The following DPH6 variants were observed in gnomAD, a reference collection of about 807,000 sequenced individuals.
DPH6 encodes the protein diphthamine biosynthesis 6.
DPH6 carries 33 observed loss-of-function variants against 38.2 expected under a neutral mutation model. The ratio of observed to expected loss-of-function variants is 0.86; its 90% CI spans 0.65 to 1.15. DPH6 has a LOEUF of 1.15. Among genes scored for constraint, DPH6 ranks in the 50% most tolerant of loss-of-function variants. DPH6 has a pLI of 0.00. For missense variants in DPH6, 325 were observed against 320.0 expected, an observed-to-expected ratio of 1.02 and a Z score of -0.12; for synonymous variants, 108 against 103.0, an observed-to-expected ratio of 1.05 and a Z score of -0.30.
At chr15:35,300,448 G>GTT (rs1261581067) in intron 3 of DPH6, among the ~76,000 whole-genome samples, 2 of 152,196 alleles carry the variant, frequency 1.3e-5, no homozygotes, top group Admixed American at 1.3e-4. Context: ...GGTTATGATT[G>GTT]TAAGAACGGA....
At position 35,543,061 on chromosome 15, in the gene DPH6, C is replaced by G. The variant is rs904204826; in HGVS notation, c.24-554G>C. 2.9e-5 allele frequency among the ~76,000 whole-genome samples: 4 copies of G among 139,232 alleles called. No individual in the cohort carries two copies. In the Admixed American group the frequency reaches 2.9e-4, roughly 10 times the overall value. The allele number at this position is 139,232 out of a possible 152,430, so 91.3% of individuals were successfully genotyped here. A position where few individuals can be genotyped will look rare whatever the true frequency, so the allele number is the denominator to read the frequency against. ...TTCTGCTCCACCATAAGAAATCTAACAAATGGCTACCATCAGCAATTAAAG... is the reference window on the plus strand; with the variant it reads ...TTCTGCTCCACCATAAGAAATCTAAGAAATGGCTACCATCAGCAATTAAAG... On this transcript the variant is annotated intron_variant, in intron 1 of 8. Transcript: ENST00000256538.
At chr15:35,193,899 G>A in the DPH6 span, among the ~76,000 whole-genome samples, 1 of 152,158 alleles carries the variant, frequency 6.6e-6, no homozygotes, top group South Asian at 2.1e-4. Flanking sequence ...CACCAAGGGG[G>A]AAAAGGAAAC....
intron 3 of DPH6, among the ~76,000 whole-genome samples, chr15:35,277,078 T>C (rs1158157643): frequency 6.6e-6 from 1 of 152,236 alleles, no homozygotes; most frequent in Non-Finnish European, 1.5e-5. Context: ...CGTGTTTCTA[T>C]TTGTTTGTGT....
At chr15:35,521,025 A>C (rs1232500624) in intron 3 of DPH6, 2 of 985,086 alleles carry the variant, frequency 2.0e-6, no homozygotes, top group African/African-American at 3.5e-5. Flanking sequence ...AAAGGAGGGG[A>C]AGGGGCTTTA....
chr15:35,304,413 C>T (rs563552482), intron 3 of DPH6, among the ~76,000 whole-genome samples: 1 of 152,174 alleles, frequency 6.6e-6, no homozygotes, highest in African/African-American at 2.4e-5. Flanking sequence ...ACAGGTGAAA[C>T]ATTTAAGAAC....
chr15:35,215,015 C>G (rs1197808944), downstream of DPH6, among the ~76,000 whole-genome samples: 1 of 152,186 alleles, frequency 6.6e-6, no homozygotes, highest in Non-Finnish European at 1.5e-5. Context: ...TTAGGCCAGC[C>G]CTCTGCTCCA....
intron 3 of DPH6, among the ~76,000 whole-genome samples, chr15:35,251,920 C>T (rs1316786655): frequency 6.6e-6 from 1 of 152,172 alleles, no homozygotes; most frequent in African/African-American, 2.4e-5. Flanking sequence ...AGGTTTATCA[C>T]CTGAGGTCAG....
intron 3 of DPH6, chr15:35,298,863 GT>G (rs113334015): frequency 5.9e-6 from 6 of 1,008,728 alleles, no homozygotes; most frequent in African/African-American, 4.7e-5. Context: ...GAGGTCTTGA[GT>G]CCTCTTCATA....
chr15:35,218,278 A>T (rs2051421595), exon 4 of DPH6: 1 of 152,252 alleles, frequency 6.6e-6, no homozygotes, highest in South Asian at 2.1e-4. Flanking sequence ...GTTCAAAGAG[A>T]ACGAAACACC....
the DPH6 span, among the ~76,000 whole-genome samples, chr15:35,169,065 A>G: frequency 7.9e-5 from 12 of 152,186 alleles, no homozygotes; most frequent in Non-Finnish European, 1.6e-4. Context: ...GTATTTAAAC[A>G]AAAAGATAAA....
intron 5 of DPH6, among the ~76,000 whole-genome samples, chr15:35,413,060 G>C (rs1435050538): frequency 6.6e-6 from 1 of 151,566 alleles, no homozygotes; most frequent in East Asian, 1.9e-4. Context: ...GGTTGATAAT[G>C]GGGGAGGTCA....
intron 3 of DPH6, among the ~76,000 whole-genome samples, chr15:35,467,239 TA>T (rs2141117910): frequency 6.6e-6 from 1 of 152,346 alleles, no homozygotes; most frequent in East Asian, 1.9e-4. Flanking sequence ...TAAAACATTT[TA>T]TTTTTTACTC....
Position 35,362,958 on chromosome 15 carries a change from C to G in DPH6, n.207+10563G>C, listed in dbSNP as rs552367762. Among the ~76,000 whole-genome samples the G allele has an allele frequency of 2.0e-5, 3 of 152,226 alleles. No individual in the cohort carries two copies. The East Asian group carries it at 5.8e-4, about 29-fold the overall frequency. On this transcript the variant is annotated intron_variant and non_coding_transcript_variant, in intron 3 of 3. Transcript: ENST00000558973. ...TCTTACTAGTATATTTCTTTCTAGC[C>G]ATCTTTTTTATTACTGATTTTTAGC...
At chr15:35,448,608 T>C (rs2053887432) in intron 5 of DPH6, among the ~76,000 whole-genome samples, 1 of 152,154 alleles carries the variant, frequency 6.6e-6, no homozygotes, top group Admixed American at 6.5e-5. Context: ...GCACTGTTTA[T>C]CACAGTGCCA....
At chr15:35,312,615 AAAGG>A (rs1165912660) in intron 3 of DPH6, among the ~76,000 whole-genome samples, 3 of 152,244 alleles carry the variant, frequency 2.0e-5, no homozygotes, top group Non-Finnish European at 4.4e-5. Context: ...ATTAATAAAG[AAAGG>A]AATAACAGAC....
chr15:35,209,131 G>A, the DPH6 span, among the ~76,000 whole-genome samples: 1 of 151,876 alleles, frequency 6.6e-6, no homozygotes, highest in Non-Finnish European at 1.5e-5. Flanking sequence ...AAAGATTTTT[G>A]TTATATTTCC....
At chr15:35,427,482 G>T (rs377009411) in intron 5 of DPH6, among the ~76,000 whole-genome samples, 4 of 129,702 alleles carry the variant, frequency 3.1e-5, no homozygotes, top group African/African-American at 1.4e-4. Flanking sequence ...AAAAATAATC[G>T]AATTAAGATT....
rs181675845 is a variant in DPH6 at position 35,495,520 on chromosome 15, C to G, written c.313-40700G>C. On this transcript the variant is annotated intron_variant, in intron 3 of 8. Coordinates refer to ENST00000256538, the MANE Select transcript of DPH6 (RefSeq NM_080650.4). ...GCACTAGCATCAAAAAACACTCAGA[C>G]ATAATTTTAAAGACACATGTGCATG... Among the ~76,000 whole-genome samples, 5 of 152,180 alleles carry G rather than the reference C, an allele frequency of 3.3e-5. No individual in the cohort carries two copies. The East Asian group carries it at 7.7e-4, about 24-fold the overall frequency.
rs2051612670 is a variant in DPH6 at position 35,243,236 on chromosome 15, G to C, written n.201-22654C>G. The stretch of plus-strand genomic sequence containing the variant: ...CCCCTTACCACAAGATCTCCCTTCA[G>C]CTTAATCTCTCCCACTCTAGGTTCC... On this transcript the variant is annotated intron_variant and non_coding_transcript_variant, in intron 3 of 3. Transcript: ENST00000560386. Among the ~76,000 whole-genome samples the C allele has an allele frequency of 1.4e-5, 2 of 142,034 alleles. 1 individual carries two copies. The highest frequency in any genetic ancestry group is 1.5e-4 in the Admixed American group (2 of 12,954). 93.2% of individuals were successfully genotyped at this position (142,034 alleles called of 152,430 possible).
Sources: gnomAD v4.1 joint callset for allele counts (sites outside exome capture counted in the v4.1 genomes callset) on GRCh38, gnomAD v4.1.1 for gene constraint, MANE v1.5 for transcripts, NCBI Gene and HGNC (gene_info 2026-07-23, HGNC 2026-07-21) for gene names.